The following DLG2 variants were observed in gnomAD, a reference collection of about 807,000 sequenced individuals.
DLG2 encodes discs large MAGUK scaffold protein 2.
DLG2 carries 45 observed loss-of-function variants against 132.5 expected under a neutral mutation model. The observed-to-expected ratio is 0.34, with a 90% confidence interval of 0.27 to 0.44. DLG2 has a LOEUF of 0.44. Among genes scored for constraint, DLG2 ranks in the 20% least tolerant of loss-of-function variants. DLG2 has a pLI of 1.00. For missense variants in DLG2, 1,045 were observed against 1,196.9 expected (o/e 0.87, Z 1.87); for synonymous variants, 424 against 419.6 (o/e 1.01, Z -0.13).
At chr11:83,468,168 A>G (rs764143021) in intron 25 of DLG2, among the ~76,000 whole-genome samples, 7 of 152,136 alleles carry the variant, frequency 4.6e-5, no homozygotes, top group East Asian at 1.9e-4. Context: ...ATCAATAATA[A>G]GGGCTAAAAT....
intron 19 of DLG2, chr11:83,631,850 A>G (rs1211333254): frequency 6.6e-6 from 1 of 152,154 alleles, no homozygotes; most frequent in African/African-American, 2.4e-5. Context: ...GGACTAAAAC[A>G]TTTCAAAATT....
chr11:84,380,615 A>C (rs1281168069), intron 7 of DLG2, among the ~76,000 whole-genome samples: 1 of 152,008 alleles, frequency 6.6e-6, no homozygotes. Flanking sequence ...TATTTACATT[A>C]GAAAAGGAAG....
chr11:84,180,478 G>A (rs561262060), intron 8 of DLG2, among the ~76,000 whole-genome samples: 2 of 152,154 alleles, frequency 1.3e-5, no homozygotes, highest in Non-Finnish European at 2.9e-5. Flanking sequence ...AATAATGACT[G>A]AAAATTTCAC....
At chr11:84,236,350 A>C (rs77917372) in intron 8 of DLG2, among the ~76,000 whole-genome samples, 7,397 of 152,302 alleles carry the variant, frequency 0.049, 277 homozygotes, top group Non-Finnish European at 0.076. Context: ...CTTCTGGTGG[A>C]CTTGGGCAGG....
intron 6 of DLG2, among the ~76,000 whole-genome samples, chr11:85,018,422 T>C (rs111981439): frequency 1.2e-4 from 18 of 151,714 alleles, no homozygotes; most frequent in African/African-American, 4.4e-4. Flanking sequence ...GTCTGACATA[T>C]GTTTTGAATT....
chr11:84,407,984 A>C lies in DLG2; in HGVS notation c.519+126586T>G, dbSNP rs935619903. Among the ~76,000 whole-genome samples the C allele has an allele frequency of 5.3e-5, 8 of 152,186 alleles. No individual in the cohort carries two copies. In the East Asian group the frequency reaches 1.5e-3, roughly 29 times the overall value. On this transcript the variant is annotated intron_variant, in intron 7 of 27. Transcript: ENST00000376104. Reference sequence around the variant, plus strand: ...CTATAGCCAGCACCTTTACAAGTTAAACAGATCCTACTAGATTATCCTTTT... The same window carrying C: ...CTATAGCCAGCACCTTTACAAGTTACACAGATCCTACTAGATTATCCTTTT...
At position 83,532,790 on chromosome 11, in the gene DLG2, CAAATTGAGAATA is replaced by C. The variant is rs1565673146; in HGVS notation, c.2118-19_2118-8del. 6.2e-7 allele frequency: 1 copy of C among 1,610,770 alleles called. No individual in the cohort carries two copies. The highest frequency in any genetic ancestry group is 1.7e-5 in the Admixed American group (1 of 59,614). On this transcript the variant is annotated splice_region_variant and splice_polypyrimidine_tract_variant and intron_variant, in intron 20 of 27. Coordinates refer to ENST00000376104, the MANE Select transcript of DLG2 (RefSeq NM_001142699.3). Reference sequence around the variant, plus strand: ...ACGTTCCTTTCTTTCCACCCTAAAGCAAATTGAGAATAAAGAGTCTCTCACGTGACAAGGCAT... The same window carrying C: ...ACGTTCCTTTCTTTCCACCCTAAAGCAAGAGTCTCTCACGTGACAAGGCAT...
intron 3 of DLG2, among the ~76,000 whole-genome samples, chr11:85,427,209 A>G (rs1178375184): frequency 6.6e-6 from 1 of 152,204 alleles, no homozygotes; most frequent in Non-Finnish European, 1.5e-5. Flanking sequence ...TCTACAGGAT[A>G]TTATCCAGGA....
chr11:83,563,842 G>A (rs1035265247), intron 19 of DLG2, among the ~76,000 whole-genome samples: 1 of 152,162 alleles, frequency 6.6e-6, no homozygotes, highest in Non-Finnish European at 1.5e-5. Context: ...CATGGTATAG[G>A]GTTGCTGTTT....
intron 7 of DLG2, among the ~76,000 whole-genome samples, chr11:84,362,971 C>G (rs1456325128): frequency 1.3e-5 from 2 of 151,586 alleles, no homozygotes; most frequent in South Asian, 2.1e-4. Context: ...AATAAACATA[C>G]ATGTGCATGT....
intron 4 of DLG2, among the ~76,000 whole-genome samples, chr11:85,266,627 A>G (rs1264160939): frequency 6.6e-6 from 1 of 152,212 alleles, no homozygotes; most frequent in Non-Finnish European, 1.5e-5. Flanking sequence ...AAAGAAAGAA[A>G]GAAAAGAAAA....
At chr11:85,000,714 A>C (rs1490688321) in intron 6 of DLG2, among the ~76,000 whole-genome samples, 1 of 152,126 alleles carries the variant, frequency 6.6e-6, no homozygotes, top group Non-Finnish European at 1.5e-5. Context: ...ACTTTCTTTT[A>C]CGTATTTCAT....
chr11:84,850,628 T>C (rs1257707640), intron 6 of DLG2, among the ~76,000 whole-genome samples: 2 of 152,078 alleles, frequency 1.3e-5, no homozygotes, highest in African/African-American at 4.8e-5. Context: ...TATTTGCAGA[T>C]GACATAATTT....
At chr11:85,501,306 C>T (rs557468580) in intron 3 of DLG2, among the ~76,000 whole-genome samples, 28 of 152,166 alleles carry the variant, frequency 1.8e-4, no homozygotes, top group Middle Eastern at 3.4e-3. Context: ...GACCTAGGAC[C>T]ATAAAAATCC....
chr11:85,587,226 G>A (rs2153230976), intron 3 of DLG2, among the ~76,000 whole-genome samples: 1 of 152,160 alleles, frequency 6.6e-6, no homozygotes, highest in Non-Finnish European at 1.5e-5. Context: ...TTTGTTCTGG[G>A]TATAGTTTAA....
chr11:83,865,024 C>T (rs917532534), intron 16 of DLG2, among the ~76,000 whole-genome samples: 5 of 152,084 alleles, frequency 3.3e-5, no homozygotes, highest in African/African-American at 1.2e-4. Flanking sequence ...AATTTATTGT[C>T]CCGCAAATAT....
chr11:84,867,498 G>T (rs1337706384), intron 6 of DLG2, among the ~76,000 whole-genome samples: 1 of 152,148 alleles, frequency 6.6e-6, no homozygotes, highest in Non-Finnish European at 1.5e-5. Flanking sequence ...TAGCTTTTCT[G>T]TCTCTAGTTA....
At chr11:85,092,299 A>C (rs1417148130) in intron 6 of DLG2, among the ~76,000 whole-genome samples, 1 of 152,202 alleles carries the variant, frequency 6.6e-6, no homozygotes, top group East Asian at 1.9e-4. Flanking sequence ...AAAAGACACA[A>C]TCTCAGATGC....
chr11:84,246,328 T>G (rs1282654718), intron 8 of DLG2, among the ~76,000 whole-genome samples: 1 of 152,256 alleles, frequency 6.6e-6, no homozygotes, highest in African/African-American at 2.4e-5. Flanking sequence ...TTGTTTAGGG[T>G]ATCTGTGCTG....
Sources: allele counts gnomAD v4.1 joint callset (sites outside exome capture counted in the v4.1 genomes callset), GRCh38; gene constraint gnomAD v4.1.1; transcripts MANE v1.5; gene names NCBI Gene and HGNC (gene_info 2026-07-23, HGNC 2026-07-21).